The following MAEA variants were observed in gnomAD, a reference collection of about 807,000 sequenced individuals.
The protein encoded by MAEA is macrophage erythroblast attacher, E3 ubiquitin ligase, also known as E3 ubiquitin-protein transferase MAEA.
Under a neutral mutation model 46.2 loss-of-function variants are expected in MAEA, and 22 were observed. The ratio of observed to expected loss-of-function variants is 0.48; its 90% confidence interval spans 0.34 to 0.68. The LOEUF (loss-of-function observed/expected upper bound fraction) is 0.68, where lower values mean the gene tolerates loss of function less well. MAEA is among the 30% of genes least tolerant of loss of function. MAEA has a pLI of 0.01. For synonymous variants in MAEA, 246 were observed against 222.6 expected (o/e 1.11, Z -0.94); for missense variants, 393 against 558.1 (o/e 0.70, Z 2.98).
intron 4 of MAEA, among the ~76,000 whole-genome samples, chr4:1,322,943 C>CCTTTTTTTTTTTTTTTTTTTTTTTTTT (rs1560368750): frequency 2.7e-5 from 2 of 75,246 alleles, no homozygotes; most frequent in Non-Finnish European, 2.4e-5. Context: ...TGAATACCCA[C>CCTTTTTTTTTTTTTTTTTTTTTTTTTT]TTTTTTTTTT....
intron 6 of MAEA, chr4:1,335,087 T>C: frequency 7.1e-6 from 7 of 985,330 alleles, no homozygotes; most frequent in Non-Finnish European, 8.4e-6. Flanking sequence ...TGAAGGTTTT[T>C]CTCTCCTGTG....
intron 3 of MAEA, among the ~76,000 whole-genome samples, chr4:1,317,670 A>G (rs143199158): frequency 2.6e-5 from 4 of 151,870 alleles, no homozygotes; most frequent in African/African-American, 9.7e-5. Context: ...CCTGCACAGC[A>G]CTGTTGCTCT....
At chr4:1,299,070 G>A (rs1022350940) in intron 1 of MAEA, among the ~76,000 whole-genome samples, 4 of 152,018 alleles carry the variant, frequency 2.6e-5, no homozygotes, top group Non-Finnish European at 5.9e-5. Context: ...GTAGAGATAG[G>A]TTCTAGCTCC....
Position 1,311,877 on chromosome 4 carries a change from G to T in MAEA, c.70-102G>T. The T allele has an allele frequency of 1.0e-6, 1 of 998,926 alleles. No individual in the cohort carries two copies. The highest frequency in any genetic ancestry group is 1.5e-6 in the Non-Finnish European group (1 of 667,752). The allele number at this position is 998,926 out of a possible 1,614,324, so 61.9% of individuals were successfully genotyped here. On this transcript the variant is annotated intron_variant, in intron 1 of 8. Transcript: ENST00000303400. This position sits in a 1 kb window ranked among gnomAD's most constrained non-coding sequence, Gnocchi z 4.4. ...AGACCATGAACCTTCTGAGACTTCT[G>T]CCTCTACAAGTGCCATGAGGAGACC...
At chr4:1,317,201 C>A (rs1432737703) in intron 3 of MAEA, among the ~76,000 whole-genome samples, 2 of 78,676 alleles carry the variant, frequency 2.5e-5, no homozygotes, top group African/African-American at 9.1e-5. Context: ...CCCCCACACT[C>A]CAGACTCACC....
At chr4:1,296,391 C>T (rs1303564387) in intron 1 of MAEA, among the ~76,000 whole-genome samples, 3 of 99,368 alleles carry the variant, frequency 3.0e-5, no homozygotes, top group Non-Finnish European at 4.0e-5. Context: ...CCTGTGCAGC[C>T]GTCACCCATG....
intron 1 of MAEA, among the ~76,000 whole-genome samples, chr4:1,308,152 C>G (rs897107689): frequency 2.0e-5 from 3 of 151,920 alleles, no homozygotes; most frequent in Non-Finnish European, 2.9e-5. Context: ...GGCTCCTGGG[C>G]TGCAAACCTG....
intron 6 of MAEA, chr4:1,335,842 C>T (rs1401112344): frequency 1.2e-5 from 1 of 83,378 alleles, no homozygotes; most frequent in Non-Finnish European, 2.4e-5. Context: ...TCAGCACCTG[C>T]CCTGCAGTGT....
chr4:1,294,589 C>A lies in MAEA; in HGVS notation c.69+4607C>A, dbSNP rs554206545. Among the ~76,000 whole-genome samples, 8 of 151,686 alleles carry A rather than the reference C, an allele frequency of 5.3e-5. No individual in the cohort carries two copies. In the East Asian group the frequency reaches 1.2e-3, roughly 22 times the overall value. Reference sequence around the variant, plus strand: ...GTGCACTTAGCTTCTCCCATACCCCCCTCCGCAGCAGTGGTCTGAGAGCCT... The same window carrying A: ...GTGCACTTAGCTTCTCCCATACCCCACTCCGCAGCAGTGGTCTGAGAGCCT... On this transcript the variant is annotated intron_variant, in intron 1 of 8. Transcript: ENST00000303400.
At position 1,290,070 on chromosome 4, in the gene MAEA, A is replaced by G. The variant is rs1220780790; in HGVS notation, c.69+88A>G. 5.9e-6 allele frequency: 6 copies of G among 1,011,264 alleles called. No homozygotes were observed. The African/African-American group carries it at 1.0e-4, about 18-fold the overall frequency. 62.6% of individuals were successfully genotyped at this position (1,011,264 alleles called of 1,614,324 possible). A position where few individuals can be genotyped will look rare whatever the true frequency, so the allele number is the denominator to read the frequency against. On this transcript the variant is annotated intron_variant, in intron 1 of 8. Transcript: ENST00000303400. ...CGCGAGGGGCCGCCCCGGGAGGGCCAGCGGCGAGGGCGGCGGGAGCTGGGC... is the reference window on the plus strand; with the variant it reads ...CGCGAGGGGCCGCCCCGGGAGGGCCGGCGGCGAGGGCGGCGGGAGCTGGGC...
intron 7 of MAEA, 121 bp downstream of exon 7, chr4:1,337,115 C>T (rs1712870966): frequency 6.4e-6 from 8 of 1,249,352 alleles, no homozygotes; most frequent in South Asian, 1.4e-5. Context: ...CCCCGAGCTC[C>T]CGTGTGCTGC....
In MAEA at chr4:1,315,629, G is replaced by A. The variant is rs539640345; in HGVS notation, c.456+29G>A. On this transcript the variant is annotated intron_variant, in intron 3 of 8. Transcript: ENST00000303400. Reference sequence around the variant, plus strand: ...GGTGCCCGCCAGACGCAGGCACAGCGCCCCAGCTGGCCCCAGGCCTATGGC... The same window carrying A: ...GGTGCCCGCCAGACGCAGGCACAGCACCCCAGCTGGCCCCAGGCCTATGGC... 1.2e-5 allele frequency: 20 copies of A among 1,607,034 alleles called. No individual in the cohort carries two copies. In the Admixed American group the frequency reaches 1.3e-4, roughly 11 times the overall value.
At position 1,337,004 on chromosome 4, in the gene MAEA, C is replaced by T. The variant is rs1263243221; in HGVS notation, c.899+10C>T. On this transcript the variant is annotated intron_variant, in intron 7 of 8. Coordinates refer to ENST00000303400, the MANE Select transcript of MAEA (RefSeq NM_001017405.3). ...CAGCCATCAAGACACCGTATCCTAC[C>T]TCCCGTGCGCAGTGCGGTTTGGCCT... 1.2e-6 allele frequency: 2 copies of T among 1,613,368 alleles called. No homozygotes were observed. The highest frequency in any genetic ancestry group is 4.5e-5 in the East Asian group (2 of 44,894).
chr4:1,327,816 TG>T (rs1739045195), intron 5 of MAEA, 113 bp downstream of exon 5: 2 of 816,104 alleles, frequency 2.5e-6, no homozygotes, highest in Middle Eastern at 2.8e-4. Context: ...GGTCGTCCCC[TG>T]GGTCTTGAGT....
chr4:1,318,418 G>C (rs1309298906), intron 3 of MAEA, among the ~76,000 whole-genome samples: 1 of 152,252 alleles, frequency 6.6e-6, no homozygotes, highest in Non-Finnish European at 1.5e-5. Flanking sequence ...GGATATGGGA[G>C]TGCTGATGAT....
chr4:1,305,457 C>G (rs903491826), intron 1 of MAEA, among the ~76,000 whole-genome samples: 1 of 152,242 alleles, frequency 6.6e-6, no homozygotes, highest in African/African-American at 2.4e-5. Context: ...ACAATTGGAA[C>G]TGTGGTGAAC....
chr4:1,339,169 G>C lies in MAEA; in HGVS notation c.1191G>C (p.Ter397TyrextTer48). ...FSQAEKVYIM[*>Y] is the part of the protein sequence containing the mutation. ...AAGCCGAGAAGGTGTACATCATGTAGGCCCCACGTCGTGAAGCGCACGCCT... is the reference window on the plus strand; with the variant it reads ...AAGCCGAGAAGGTGTACATCATGTACGCCCCACGTCGTGAAGCGCACGCCT... The change falls in exon 9 of 9, where the codon TAG (stop) becomes TAC (tyrosine). Residue 397 changes from the stop codon to tyrosine (Y), a stop_lost. Coordinates refer to ENST00000303400, the MANE Select transcript of MAEA (RefSeq NM_001017405.3). 6.2e-7 allele frequency: 1 copy of C among 1,613,562 alleles called. No individual in the cohort carries two copies. The highest frequency in any genetic ancestry group is 8.5e-7 in the Non-Finnish European group (1 of 1,179,672).
intron 1 of MAEA, among the ~76,000 whole-genome samples, chr4:1,293,406 A>T (rs1734309183): frequency 6.6e-6 from 1 of 152,148 alleles, no homozygotes; most frequent in South Asian, 2.1e-4. Flanking sequence ...ATAAATAAAT[A>T]AAAGTAATTT....
intron 3 of MAEA, among the ~76,000 whole-genome samples, chr4:1,317,681 C>T (rs760080811): frequency 3.2e-4 from 48 of 152,140 alleles, no homozygotes; most frequent in South Asian, 4.1e-4. Flanking sequence ...CTGTTGCTCT[C>T]GGCACCGCTG....
Sources: gnomAD v4.1 joint callset for allele counts (sites outside exome capture counted in the v4.1 genomes callset) on GRCh38, gnomAD v4.1.1 for gene constraint, Gnocchi (gnomAD v3.1) non-coding constraint, MANE v1.5 for transcripts, NCBI Gene and HGNC (gene_info 2026-07-23, HGNC 2026-07-21) for gene names.